ZBBX: variants seen among roughly 807,000 people sequenced by gnomAD.
The protein encoded by ZBBX is zinc finger B-box domain-containing protein 1.
ZBBX carries 101 observed loss-of-function variants against 108.5 expected under a neutral mutation model. That is an observed-to-expected ratio of 0.93 (90% confidence interval 0.79 to 1.10). The LOEUF (loss-of-function observed/expected upper bound fraction) is 1.10, where lower values mean the gene tolerates loss of function less well. ZBBX is among the 50% of genes least tolerant of loss of function. ZBBX has a pLI of 0.00. For missense variants in ZBBX, 1,009 were observed against 941.4 expected (o/e 1.07, Z -0.94); for synonymous variants, 356 against 323.4 (o/e 1.10, Z -1.08).
chr3:167,265,878 A>G (rs1725369247), intron 20 of ZBBX, among the ~76,000 whole-genome samples: 1 of 152,198 alleles, frequency 6.6e-6, no homozygotes, highest in African/African-American at 2.4e-5. Context: ...GGTAGCACTG[A>G]GTTGAATGTG....
intron 16 of ZBBX, among the ~76,000 whole-genome samples, chr3:167,312,211 A>G (rs954999312): frequency 2.6e-5 from 4 of 152,180 alleles, no homozygotes; most frequent in African/African-American, 9.6e-5. Flanking sequence ...GATTCTAACT[A>G]TATGACATTC....
intron 17 of ZBBX, among the ~76,000 whole-genome samples, chr3:167,300,328 T>C (rs1732419453): frequency 6.6e-6 from 1 of 152,156 alleles, no homozygotes; most frequent in East Asian, 1.9e-4. Context: ...TTTATTACTG[T>C]CCAGGACTAC....
chr3:167,183,024 C>T, the ZBBX span, among the ~76,000 whole-genome samples: 5 of 152,152 alleles, frequency 3.3e-5, no homozygotes, highest in African/African-American at 7.2e-5. Flanking sequence ...TCACTGGGGC[C>T]GCTATTTTTC....
At chr3:167,291,882 C>T (rs1730754460) in intron 18 of ZBBX, among the ~76,000 whole-genome samples, 2 of 151,886 alleles carry the variant, frequency 1.3e-5, no homozygotes, top group Admixed American at 6.6e-5. Flanking sequence ...AAATGGAAAG[C>T]AGAAAAAAAG....
intron 5 of ZBBX, among the ~76,000 whole-genome samples, chr3:167,368,100 G>T (rs1388313880): frequency 6.6e-6 from 1 of 150,536 alleles, no homozygotes; most frequent in Non-Finnish European, 1.5e-5. Flanking sequence ...ACATAAACTG[G>T]TGTTTATTTG....
chr3:167,275,970 C>A (rs1727493829), intron 20 of ZBBX, among the ~76,000 whole-genome samples: 1 of 152,084 alleles, frequency 6.6e-6, no homozygotes, highest in African/African-American at 2.4e-5. Flanking sequence ...GGTCCCTGAC[C>A]CCTGACCCCC....
downstream of ZBBX, among the ~76,000 whole-genome samples, chr3:167,239,248 C>G (rs766313336): frequency 2.6e-5 from 4 of 151,966 alleles, no homozygotes; most frequent in Admixed American, 6.6e-5. Context: ...GTCCCACCCA[C>G]GTTATGTAAA....
chr3:167,323,244 G>GC (rs1553815491), intron 11 of ZBBX, among the ~76,000 whole-genome samples: 3 of 142,656 alleles, frequency 2.1e-5, no homozygotes, highest in African/African-American at 5.0e-5. Flanking sequence ...AAAGAGGGGG[G>GC]GGGGGGAAAG....
At chr3:167,251,619 T>C (rs1722620360) in intron 20 of ZBBX, among the ~76,000 whole-genome samples, 2 of 152,188 alleles carry the variant, frequency 1.3e-5, no homozygotes, top group Non-Finnish European at 2.9e-5. Flanking sequence ...TTTTGAGGAC[T>C]TACTATGTGC....
At chr3:167,227,213 T>A in the ZBBX span, among the ~76,000 whole-genome samples, 1 of 151,812 alleles carries the variant, frequency 6.6e-6, no homozygotes, top group Non-Finnish European at 1.5e-5. Flanking sequence ...TAGTACAATG[T>A]AGGTGCTAAA....
the ZBBX span, among the ~76,000 whole-genome samples, chr3:167,201,603 T>A: frequency 6.6e-6 from 1 of 152,140 alleles, no homozygotes. Flanking sequence ...AAACTCATCA[T>A]GTAAATTGCA....
At chr3:167,361,728 T>C (rs1255908984) in intron 6 of ZBBX, among the ~76,000 whole-genome samples, 2 of 152,206 alleles carry the variant, frequency 1.3e-5, no homozygotes, top group Non-Finnish European at 2.9e-5. Context: ...AACCACACTT[T>C]TATTTTTAAA....
intron 20 of ZBBX, among the ~76,000 whole-genome samples, chr3:167,278,567 G>T (rs1303536586): frequency 2.0e-4 from 29 of 148,488 alleles, no homozygotes; most frequent in African/African-American, 6.8e-4. Flanking sequence ...TTGAATCTCT[G>T]AATAGACCAA....
At chr3:167,335,787 T>C (rs751153749) in intron 9 of ZBBX, among the ~76,000 whole-genome samples, 4 of 151,812 alleles carry the variant, frequency 2.6e-5, no homozygotes, top group African/African-American at 9.7e-5. Context: ...AAAATACCTA[T>C]GAAAAATGAT....
At chr3:167,190,610 G>A in the ZBBX span, among the ~76,000 whole-genome samples, 2,012 of 152,156 alleles carry the variant, frequency 0.013, 53 homozygotes, top group African/African-American at 0.046. Flanking sequence ...TCGATCTCCC[G>A]ACCTCGTGAT....
intron 1 of ZBBX, among the ~76,000 whole-genome samples, chr3:167,395,175 GA>G (rs1748190765): frequency 6.6e-6 from 1 of 151,970 alleles, no homozygotes; most frequent in Non-Finnish European, 1.5e-5. Flanking sequence ...GATTGAAATG[GA>G]AAAAAATAAT....
At chr3:167,312,883 A>G (rs923493108) in intron 16 of ZBBX, among the ~76,000 whole-genome samples, 5 of 152,216 alleles carry the variant, frequency 3.3e-5, no homozygotes, top group African/African-American at 1.2e-4. Context: ...GAATGTAATC[A>G]TCAGTTTTAC....
At chr3:167,335,927 T>C (rs4955608) in intron 9 of ZBBX, among the ~76,000 whole-genome samples, 125,423 of 151,878 alleles carry the variant, frequency 0.83, 51,911 homozygotes, top group East Asian at 0.92. Flanking sequence ...GAAATTCAAG[T>C]CAATGGTAAT....
Position 167,377,942 on chromosome 3 carries a change from C to T in ZBBX, c.-132+1696G>A, listed in dbSNP as rs370855159. The stretch of plus-strand genomic sequence containing the variant: ...TGAATCATGGGGACAGTTTCCCCCA[C>T]GCTATTTTCGTGATAGTAAGTTCTC... On this transcript the variant is annotated intron_variant, in intron 2 of 21. Coordinates refer to ENST00000675490, the MANE Select transcript of ZBBX (RefSeq NM_001199201.2). Among the ~76,000 whole-genome samples, 115 of 152,148 alleles carry T rather than the reference C, an allele frequency of 7.6e-4. 3 individuals carry two copies. In the South Asian group the frequency reaches 0.02, roughly 26 times the overall value.
Sources: gnomAD v4.1 joint callset for allele counts (sites outside exome capture counted in the v4.1 genomes callset) on GRCh38, gnomAD v4.1.1 for gene constraint, MANE v1.5 for transcripts, NCBI Gene and HGNC (gene_info 2026-07-23, HGNC 2026-07-21) for gene names.